USP37: variants seen among roughly 807,000 people sequenced by gnomAD.
USP37 encodes the protein ubiquitin carboxyl-terminal hydrolase 37.
In USP37, 27 loss-of-function variants were observed where a neutral mutation model predicts 124.0. The observed-to-expected ratio is 0.22, with a 90% CI of 0.16 to 0.30. USP37 has a LOEUF of 0.30. USP37 is among the 10% of genes least tolerant of loss of function. USP37 has a pLI of 1.00. For synonymous variants in USP37, 365 were observed against 388.0 expected (o/e 0.94, Z 0.70); for missense variants, 889 against 1,140.4 (o/e 0.78, Z 3.17).
intron 10 of USP37, among the ~76,000 whole-genome samples, chr2:218,521,338 A>T (rs1411496628): frequency 3.3e-5 from 5 of 152,104 alleles, no homozygotes; most frequent in Admixed American, 6.5e-5. Context: ...TTTATTTTTT[A>T]AATTTTACCT....
intron 11 of USP37, among the ~76,000 whole-genome samples, chr2:218,507,250 C>T (rs1689731330): frequency 6.6e-6 from 1 of 151,944 alleles, no homozygotes; most frequent in African/African-American, 2.4e-5. Flanking sequence ...CTCTGCCTCC[C>T]TGGTTCAAGT....
intron 19 of USP37, among the ~76,000 whole-genome samples, chr2:218,475,869 T>C (rs1189853251): frequency 6.6e-6 from 1 of 150,942 alleles, no homozygotes; most frequent in Admixed American, 6.6e-5. Context: ...GAGACTGCAG[T>C]GAGCCAAGAT....
chr2:218,458,148 T>A (rs1265134251), intron 23 of USP37, among the ~76,000 whole-genome samples: 1 of 149,658 alleles, frequency 6.7e-6, no homozygotes, highest in African/African-American at 2.5e-5. Context: ...GATTTAGTAA[T>A]TTACTTCTGG....
chr2:218,457,005 TCACAAAGCTAGGCAAAGAGCA>T, intron 24 of USP37, 66 bp downstream of exon 24: 3 of 1,336,496 alleles, frequency 2.2e-6, no homozygotes, highest in East Asian at 4.7e-5. Context: ...AAAACACACT[TCACAAAGCTAGGCAAAGAGCA>T]ATATAATAAA....
chr2:218,464,382 C>T (rs981550796), intron 21 of USP37, among the ~76,000 whole-genome samples: 6 of 152,058 alleles, frequency 3.9e-5, no homozygotes, highest in Non-Finnish European at 8.8e-5. Context: ...AGAATACAGG[C>T]GCACGCCACC....
chr2:218,515,539 A>C (rs1690231344), intron 10 of USP37, among the ~76,000 whole-genome samples: 1 of 152,220 alleles, frequency 6.6e-6, no homozygotes, highest in Admixed American at 6.5e-5. Context: ...CTTACGAAAA[A>C]ATTAACTCAA....
intron 8 of USP37, among the ~76,000 whole-genome samples, chr2:218,543,895 C>A (rs894572121): frequency 1.3e-5 from 2 of 151,988 alleles, no homozygotes; most frequent in Non-Finnish European, 2.9e-5. Flanking sequence ...TAATTTGAAA[C>A]CATGGGATAA....
rs543324700 is a variant in USP37, at chr2:218,522,047, T to C, written c.863+7909A>G. ...ATGCCACCACACGTGGCTTTTTTTTTTTTTTTTTTGTAGAGACAGGGTCTC... is the reference window on the plus strand; with the variant it reads ...ATGCCACCACACGTGGCTTTTTTTTCTTTTTTTTTGTAGAGACAGGGTCTC... On this transcript the variant is annotated intron_variant, in intron 10 of 25. Coordinates refer to ENST00000258399, the MANE Select transcript of USP37 (RefSeq NM_020935.3). Among the ~76,000 whole-genome samples, 33 of 150,620 alleles carry C rather than the reference T, an allele frequency of 2.2e-4. No homozygotes were observed. The South Asian group carries it at 6.2e-3, about 28-fold the overall frequency.
At chr2:218,548,372 AC>A (rs1364181154) in intron 6 of USP37, among the ~76,000 whole-genome samples, 5 of 149,224 alleles carry the variant, frequency 3.4e-5, no homozygotes, top group African/African-American at 1.3e-4. Context: ...ACAGAGTCTT[AC>A]TCTGTCAACC....
intron 15 of USP37, among the ~76,000 whole-genome samples, chr2:218,487,561 C>T (rs1222159803): frequency 6.6e-6 from 1 of 152,062 alleles, no homozygotes; most frequent in Non-Finnish European, 1.5e-5. Context: ...GCTGGGACTA[C>T]AGGCACACGC....
In USP37 at chr2:218,534,659, C is replaced by T. The variant is rs769422661; in HGVS notation, c.728G>A (p.Ser243Asn). Residue 243 changes from serine to asparagine, a missense_variant, in exon 9 of 26, where the codon AGT becomes AAT. Ser to Asn is a conservative substitution (Grantham distance 46). Coordinates refer to ENST00000258399, the MANE Select transcript of USP37 (RefSeq NM_020935.3). ...TTTCAAACTCAGCTGCTTTTCTCTA[C>T]TGCTGGTTAAATACTTTCTGGAGGG... Reference protein sequence around the residue: ...TDPSRKYLTSSREKQLSLKQS... With the variant: ...TDPSRKYLTSNREKQLSLKQS... 2.1e-5 allele frequency: 34 copies of T among 1,610,626 alleles called. No individual in the cohort carries two copies. Among genetic ancestry groups the T allele is most frequent in the East Asian group, 9.0e-5 (4 of 44,626 alleles).
At chr2:218,552,954 T>TA (rs1173406835) in intron 5 of USP37, among the ~76,000 whole-genome samples, 4 of 137,978 alleles carry the variant, frequency 2.9e-5, no homozygotes, top group African/African-American at 1.4e-4. Context: ...AATAAATAAA[T>TA]AATAAAAAAT....
chr2:218,502,990 A>G (rs1689466258), intron 11 of USP37, among the ~76,000 whole-genome samples: 2 of 152,240 alleles, frequency 1.3e-5, no homozygotes, highest in African/African-American at 4.8e-5. Context: ...AAGACAAAGA[A>G]AAGATATCTT....
At chr2:218,553,487 G>T in intron 5 of USP37, 66 bp downstream of exon 5, 2 of 1,409,802 alleles carry the variant, frequency 1.4e-6, no homozygotes, top group Non-Finnish European at 1.9e-6. Context: ...GTTGAATATT[G>T]GTCTGTAGTC....
At chr2:218,470,010 C>T (rs375265589) in intron 20 of USP37, among the ~76,000 whole-genome samples, 1 of 151,596 alleles carries the variant, frequency 6.6e-6, no homozygotes, top group African/African-American at 2.4e-5. Flanking sequence ...TTAGTAGAGA[C>T]GGGGTTTCAC....
intron 23 of USP37, among the ~76,000 whole-genome samples, chr2:218,458,455 C>T (rs555003570): frequency 6.6e-6 from 1 of 151,808 alleles, no homozygotes; most frequent in African/African-American, 2.4e-5. Flanking sequence ...GCCTGCAATC[C>T]CAGCTACTCA....
At position 218,531,300 on chromosome 2, in the gene USP37, T is replaced by C. The variant is rs1236924733; in HGVS notation, c.779-1260A>G. On this transcript the variant is annotated intron_variant, in intron 9 of 25. Transcript: ENST00000258399. ...AAGATACTAGGGCCCTTAAGAATTA[T>C]GCTAATTCTACTTGCCTGTGCTCTA... Among the ~76,000 whole-genome samples the C allele has an allele frequency of 2.6e-5, 4 of 152,344 alleles. No individual in the cohort carries two copies. In the East Asian group the frequency reaches 5.8e-4, roughly 22 times the overall value.
chr2:218,534,530 G>T, intron 9 of USP37, 79 bp downstream of exon 9: 2 of 737,666 alleles, frequency 2.7e-6, no homozygotes, highest in Non-Finnish European at 3.9e-6. Context: ...AGAATGTACA[G>T]ATGGGTTAGG....
chr2:218,498,813 TG>T, intron 11 of USP37, among the ~76,000 whole-genome samples: 1 of 152,270 alleles, frequency 6.6e-6, no homozygotes, highest in East Asian at 1.9e-4. Flanking sequence ...TAAACATGAC[TG>T]GGGGCTTAAC....
Sources: allele counts gnomAD v4.1 joint callset (sites outside exome capture counted in the v4.1 genomes callset), GRCh38; gene constraint gnomAD v4.1.1; transcripts MANE v1.5; gene names NCBI Gene and HGNC (gene_info 2026-07-23, HGNC 2026-07-21).